The following DNAH5 variants were observed in gnomAD, a reference collection of about 807,000 sequenced individuals.
The protein encoded by DNAH5 is axonemal beta dynein heavy chain 5.
DNAH5 carries 372 observed loss-of-function variants against 518.2 expected under a neutral mutation model. The ratio of observed to expected loss-of-function variants is 0.72; its 90% CI spans 0.66 to 0.78. DNAH5 has a LOEUF of 0.78. Ranked by LOEUF, DNAH5 falls within the 30% of genes least tolerant of loss-of-function variation. DNAH5 has a pLI of 0.00. For missense variants in DNAH5, 5,523 were observed against 5,687.0 expected, an observed-to-expected ratio of 0.97 and a Z score of 0.93; for synonymous variants, 2,039 against 2,025.9, an observed-to-expected ratio of 1.01 and a Z score of -0.17.
chr5:13,824,905 AT>A (rs745514151), intron 38 of DNAH5, among the ~76,000 whole-genome samples: 63 of 152,208 alleles, frequency 4.1e-4, no homozygotes, highest in Non-Finnish European at 8.4e-4. Context: ...AAGCTCAATT[AT>A]GTCAAATTTC....
chr5:13,839,454 A>G lies in DNAH5; in HGVS notation c.5784T>C (p.Ser1928=), dbSNP rs747797515. The change falls in exon 35 of 79, where the codon TCT becomes TCC. Residue 1928 remains serine (S), a synonymous_variant. Coordinates refer to ENST00000265104, the MANE Select transcript of DNAH5 (RefSeq NM_001369.3). ...CTGTGATGTGAATCATCATCTTGTC[A>G]GAATCTTCGTTAAAGTAAAATCTGC... The part of the protein sequence containing the change: ...KQCRFYFNED[S]DKMMIHITDV... 6.2e-7 allele frequency: 1 copy of G among 1,614,038 alleles called. No individual in the cohort carries two copies. Among genetic ancestry groups the G allele is most frequent in the South Asian group, 1.1e-5 (1 of 91,082 alleles).
At chr5:13,786,452 A>T in intron 51 of DNAH5, 101 bp from the exon 52 acceptor site, 7 of 1,198,110 alleles carry the variant, frequency 5.8e-6, no homozygotes, top group Non-Finnish European at 7.3e-6. Context: ...ACACTGAATA[A>T]CATTCATTTT....
rs144131943 is a variant in DNAH5 at position 13,799,499 on chromosome 5, C to A, written c.7888-5441G>T. Among the ~76,000 whole-genome samples the A allele has an allele frequency of 4.9e-3, 750 of 152,264 alleles. 8 individuals carry two copies. The highest frequency in any genetic ancestry group is 0.021 in the Admixed American group (321 of 15,284). On this transcript the variant is annotated intron_variant, in intron 47 of 78. Transcript: ENST00000265104. ...AATGATAGGAAATCATCCCTATCAC[C>A]ACTAAGCTATACATGTCATAAAAGA...
rs544242174 is a variant in DNAH5 at position 14,009,938 on chromosome 5, G to A, written c.12+1710C>T. ...TTTTTTCTAACTATAAATTATGTAT[G>A]TATAAAATCTGTATATTCATTATAG... On this transcript the variant is annotated intron_variant, in intron 1 of 78. Transcript: ENST00000681290. Among the ~76,000 whole-genome samples, 7 of 152,222 alleles carry A rather than the reference G, an allele frequency of 4.6e-5. No homozygotes were observed. The East Asian group carries it at 1.3e-3, about 29-fold the overall frequency.
intron 6 of DNAH5, 190 bp from the exon 7 acceptor site, chr5:13,919,542 CTT>C (rs1777031046): frequency 6.5e-6 from 4 of 619,672 alleles, no homozygotes; most frequent in Middle Eastern, 4.5e-4. Flanking sequence ...ACGAAAATCT[CTT>C]TGAATTGTTT....
chr5:13,885,073 T>A lies in DNAH5; in HGVS notation c.2899A>T (p.Met967Leu), dbSNP rs764914687. The A allele has an allele frequency of 4.3e-6, 7 of 1,614,094 alleles. No homozygotes were observed. The highest frequency in any genetic ancestry group is 5.9e-6 in the Non-Finnish European group (7 of 1,180,034). The change falls in exon 19 of 79, where the codon ATG becomes TTG. Residue 967 changes from methionine (M) to leucine (L), a missense_variant. Physicochemically the swap from Met to Leu is conservative, Grantham distance 15. Around this residue, in one of 3 missense-constraint regions of DNAH5, gnomAD observed 5,121 missense variants for 5,223.3 expected, o/e 0.98. Coordinates refer to ENST00000265104, the MANE Select transcript of DNAH5 (RefSeq NM_001369.3). ...CTTGTAACTTTCAGAAGAGCATCCA[T>A]GTTCTGATGGTTGAAATGAGAGAGT... ...ELLSHFNHQN[M>L]DALLKVTRNT...
At chr5:13,761,745 A>G (rs1751815328) in intron 60 of DNAH5, among the ~76,000 whole-genome samples, 1 of 152,214 alleles carries the variant, frequency 6.6e-6, no homozygotes, top group Non-Finnish European at 1.5e-5. Context: ...CACAATATCC[A>G]TGGTGTCAGA....
At chr5:13,775,701 C>G (rs1753989060) in intron 55 of DNAH5, among the ~76,000 whole-genome samples, 1 of 152,040 alleles carries the variant, frequency 6.6e-6, no homozygotes, top group Non-Finnish European at 1.5e-5. Context: ...GCTGTAGAGG[C>G]AATGGTGAGG....
intron 25 of DNAH5, among the ~76,000 whole-genome samples, chr5:13,867,337 C>A (rs1769399394): frequency 6.6e-6 from 1 of 152,030 alleles, no homozygotes; most frequent in African/African-American, 2.4e-5. Context: ...AGCGGTTTTC[C>A]CCATGCTGTT....
intron 44 of DNAH5, 26 bp from the exon 45 acceptor site, chr5:13,810,286 A>T: frequency 6.5e-7 from 1 of 1,543,944 alleles, no homozygotes; most frequent in Non-Finnish European, 8.8e-7. Flanking sequence ...ACTTTTTTTT[A>T]ATAACTTGAT....
chr5:13,928,137 T>A lies in DNAH5; in HGVS notation c.234A>T (p.Arg78=), dbSNP rs1358284280. Residue 78 remains arginine, a synonymous_variant, in exon 3 of 79, where the codon CGA becomes CGT. Coordinates refer to ENST00000265104, the MANE Select transcript of DNAH5 (RefSeq NM_001369.3). The part of the protein sequence containing the change: ...IDQLFAVGGL[R]HLMFYYQDVE... Reference sequence around the variant, plus strand: ...CATCTTGATAGTAAAACATGAGGTGTCGGAGACCTCCAACAGCAAAAAGTT... The same window carrying A: ...CATCTTGATAGTAAAACATGAGGTGACGGAGACCTCCAACAGCAAAAAGTT... 6.2e-7 allele frequency: 1 copy of A among 1,613,960 alleles called. No homozygotes were observed. The highest frequency in any genetic ancestry group is 1.7e-5 in the Admixed American group (1 of 60,002).
At chr5:13,731,732 T>C (rs1445998818) in intron 68 of DNAH5, among the ~76,000 whole-genome samples, 2 of 152,254 alleles carry the variant, frequency 1.3e-5, no homozygotes, top group African/African-American at 4.8e-5. Flanking sequence ...ATGAAAGTTT[T>C]ATACAAGCTA....
chr5:13,742,410 G>T (rs1479997914), intron 65 of DNAH5, among the ~76,000 whole-genome samples: 1 of 152,006 alleles, frequency 6.6e-6, no homozygotes, highest in Non-Finnish European at 1.5e-5. Flanking sequence ...TCCACTCACA[G>T]TCACTCAGGA....
chr5:13,701,246 A>G, intron 77 of DNAH5, 38 bp downstream of exon 77: 1 of 1,613,884 alleles, frequency 6.2e-7, no homozygotes, highest in Non-Finnish European at 8.5e-7. Context: ...GTGGAGGAAA[A>G]TTATAATAAC....
At chr5:13,929,667 A>G (rs1778226319) in intron 2 of DNAH5, among the ~76,000 whole-genome samples, 2 of 152,186 alleles carry the variant, frequency 1.3e-5, no homozygotes, top group Non-Finnish European at 2.9e-5. Context: ...GCATGCTTCC[A>G]TCACAGCCAG....
rs749967007 is a variant in DNAH5, at chr5:13,735,803, C to T, written c.11570+15G>A. The stretch of plus-strand genomic sequence containing the variant: ...AGATATAGAATTCAGCTTGGCTTCC[C>T]GCGTACAGACGTACCTGGCTAAGGA... On this transcript the variant is annotated intron_variant, in intron 67 of 78. Transcript: ENST00000265104. 6.2e-5 allele frequency: 99 copies of T among 1,600,624 alleles called. No individual in the cohort carries two copies. In the South Asian group the frequency reaches 9.4e-4, roughly 15 times the overall value.
At position 13,894,804 on chromosome 5, in the gene DNAH5, A is replaced by G. The variant is rs1388538464; in HGVS notation, c.2277T>C (p.Tyr759=). 6.2e-7 allele frequency: 1 copy of G among 1,613,836 alleles called. No homozygotes were observed. The highest frequency in any genetic ancestry group is 1.7e-5 in the Admixed American group (1 of 60,020). ...FSNMKMMLAE[Y]QRVKSKIPAA... Reference sequence around the variant, plus strand: ...CAGGTATTTTTGACTTCACTCTCTGATATTCAGCTAGCATCATCTGCAATG... The same window carrying G: ...CAGGTATTTTTGACTTCACTCTCTGGTATTCAGCTAGCATCATCTGCAATG... The change falls in exon 16 of 79, where the codon TAT becomes TAC. Residue 759 remains tyrosine (Y), a synonymous_variant. Transcript: ENST00000265104.
chr5:13,952,844 G>T (rs1257633762), intron 1 of DNAH5, among the ~76,000 whole-genome samples: 1 of 152,144 alleles, frequency 6.6e-6, no homozygotes. Flanking sequence ...GTGCAGTGGT[G>T]CAATCATAGC....
intron 1 of DNAH5, among the ~76,000 whole-genome samples, chr5:14,006,538 T>C (rs2152087897): frequency 6.6e-6 from 1 of 152,216 alleles, no homozygotes; most frequent in African/African-American, 2.4e-5. Flanking sequence ...AGGGTTCTAA[T>C]CTCTTCTTAC....
Sources: gnomAD v4.1 joint callset for allele counts (sites outside exome capture counted in the v4.1 genomes callset) on GRCh38, gnomAD v4.1.1 for gene constraint, gnomAD v4.1.1 regional missense constraint, MANE v1.5 for transcripts, NCBI Gene and HGNC (gene_info 2026-07-23, HGNC 2026-07-21) for gene names.